The following NFATC1 variants were observed in gnomAD, a reference collection of about 807,000 sequenced individuals.
The protein encoded by NFATC1 is nuclear factor of activated T cells 1, also known as nuclear factor of activated T-cells, cytoplasmic 1.
In NFATC1, 22 loss-of-function variants were observed where a neutral mutation model predicts 76.0. The observed-to-expected ratio is 0.29, with a 90% CI of 0.21 to 0.41. NFATC1 has a LOEUF of 0.41. Among genes scored for constraint, NFATC1 ranks in the 10% least tolerant of loss-of-function variants. The pLI is 1.00. For synonymous variants in NFATC1, 704 were observed against 613.1 expected (o/e 1.15, Z -2.19); for missense variants, 1,357 against 1,337.7 (o/e 1.01, Z -0.23).
intron 6 of NFATC1, among the ~76,000 whole-genome samples, chr18:79,458,283 G>A (rs916468521): frequency 6.6e-6 from 1 of 151,646 alleles, no homozygotes; most frequent in African/African-American, 2.4e-5. Flanking sequence ...GGATGCTGTG[G>A]GGTGCACGGC....
intron 8 of NFATC1, 66 bp from the exon 9 acceptor site, chr18:79,486,182 A>G: frequency 6.7e-7 from 1 of 1,483,522 alleles, no homozygotes; most frequent in Non-Finnish European, 9.2e-7. Flanking sequence ...TGCCCCAGCC[A>G]CAAGCCTGCC....
chr18:79,439,432 C>T (rs1053474893), intron 3 of NFATC1, among the ~76,000 whole-genome samples: 8 of 152,318 alleles, frequency 5.3e-5, no homozygotes, highest in South Asian at 2.1e-4. Flanking sequence ...CAAAACCACA[C>T]GCCACGGCAC....
chr18:79,483,190 GCGTGACCTGGTTCCTGGGGTGTAATTCCA>G (rs2089360434), intron 8 of NFATC1, among the ~76,000 whole-genome samples: 1 of 113,080 alleles, frequency 8.8e-6, no homozygotes, highest in Non-Finnish European at 1.8e-5. Context: ...TGTAATTCCA[GCGTGACCTGGTTCCTGGGGTGTAATTCCA>G]GCGTGACCTG....
At chr18:79,515,310 G>A (rs1216249740) in intron 9 of NFATC1, among the ~76,000 whole-genome samples, 6 of 146,376 alleles carry the variant, frequency 4.1e-5, no homozygotes, top group African/African-American at 1.3e-4. Context: ...CTGCACTCCT[G>A]CCTGGGTGAC....
At chr18:79,469,106 C>G (rs1361742647) in intron 8 of NFATC1, 1 of 182,078 alleles carries the variant, frequency 5.5e-6, no homozygotes, top group Non-Finnish European at 1.0e-5. Context: ...GTGGTCTGTG[C>G]CGCCCACACT....
intron 1 of NFATC1, among the ~76,000 whole-genome samples, chr18:79,402,164 G>A (rs1220015164): frequency 6.6e-6 from 1 of 152,134 alleles, no homozygotes; most frequent in Non-Finnish European, 1.5e-5. Context: ...GACACCGCCG[G>A]CGGCGGCATC....
At chr18:79,510,895 GCCGGGACATCCTCCA>G (rs2090231986) in intron 9 of NFATC1, among the ~76,000 whole-genome samples, 1 of 150,446 alleles carries the variant, frequency 6.6e-6, no homozygotes, top group African/African-American at 2.5e-5. Context: ...GGCATCCTCC[GCCGGGACATCCTCCA>G]CCGGGGGCTC....
Position 79,410,183 on chromosome 18 carries a change from T to A in NFATC1, c.128-220T>A. 1.3e-6 allele frequency: 1 copy of A among 782,282 alleles called. No homozygotes were observed. The highest frequency in any genetic ancestry group is 2.3e-6 in the Non-Finnish European group (1 of 444,398). 48.5% of individuals were successfully genotyped at this position (782,282 alleles called of 1,614,324 possible). ...TTAGGGGAGGAGGGGAGGTGGGCAG[T>A]GAGGGGCTCACGGGAGCCTTGTTGG... On this transcript the variant is annotated intron_variant, in intron 1 of 9. Transcript: ENST00000427363. The surrounding 1 kb of genome is among the most constrained non-coding windows in gnomAD (Gnocchi z 6.7).
intron 9 of NFATC1, chr18:79,493,826 C>G (rs1344431703): frequency 1.3e-5 from 2 of 152,284 alleles, no homozygotes; most frequent in Non-Finnish European, 2.9e-5. Flanking sequence ...TCATCGGGGT[C>G]AGTGCCTGGT....
intron 8 of NFATC1, chr18:79,469,397 G>T (rs895694135): frequency 1.8e-5 from 18 of 985,378 alleles, no homozygotes; most frequent in Non-Finnish European, 2.2e-5. Flanking sequence ...GGCAGAAGGG[G>T]CGTGCGGGGA....
chr18:79,499,016 G>C (rs1277381528), intron 9 of NFATC1, among the ~76,000 whole-genome samples: 1 of 152,232 alleles, frequency 6.6e-6, no homozygotes, highest in Non-Finnish European at 1.5e-5. Flanking sequence ...ACATATTAAA[G>C]GGAGTCCTTC....
At chr18:79,481,280 A>C (rs2089262387) in intron 8 of NFATC1, among the ~76,000 whole-genome samples, 1 of 152,252 alleles carries the variant, frequency 6.6e-6, no homozygotes, top group South Asian at 2.1e-4. Flanking sequence ...CCATGGCCTA[A>C]GGCAAGACGC....
intron 6 of NFATC1, among the ~76,000 whole-genome samples, chr18:79,458,743 C>A (rs1432938404): frequency 1.3e-5 from 2 of 152,240 alleles, no homozygotes; most frequent in African/African-American, 4.8e-5. Flanking sequence ...CGGGGGCCGG[C>A]GCTGCCCGTC....
rs1212682137 is a variant in NFATC1, at chr18:79,473,546, G to A, written c.2092+5964G>A. Among the ~76,000 whole-genome samples the A allele has an allele frequency of 4.0e-5, 6 of 149,730 alleles. 1 individual carries two copies. Among genetic ancestry groups the A allele is most frequent in the African/African-American group, 7.5e-5 (3 of 40,084 alleles). ...GCGTGTTCTCGCGCTCACTGTCGAC[G>A]TAAACCTGAGGGAAGCGTGTTCTCG... On this transcript the variant is annotated intron_variant, in intron 8 of 9. Coordinates refer to ENST00000427363, the MANE Select transcript of NFATC1 (RefSeq NM_001278669.2).
At chr18:79,521,452 A>T (rs1177512700) in intron 9 of NFATC1, among the ~76,000 whole-genome samples, 5 of 41,928 alleles carry the variant, frequency 1.2e-4, no homozygotes, top group African/African-American at 1.0e-4. Context: ...GTGTGTGGGG[A>T]GCATCCACTG....
chr18:79,477,415 A>G (rs1452794592), intron 8 of NFATC1, among the ~76,000 whole-genome samples: 1 of 152,260 alleles, frequency 6.6e-6, no homozygotes, highest in African/African-American at 2.4e-5. Flanking sequence ...TGCTGTGCAC[A>G]GCAGCTGCAG....
rs1196096070 is a variant in NFATC1, at chr18:79,410,670, A to G, written c.395A>G (p.Asn132Ser). The G allele has an allele frequency of 1.9e-6, 3 of 1,612,976 alleles. No homozygotes were observed. Among genetic ancestry groups the G allele is most frequent in the South Asian group, 2.2e-5 (2 of 91,074 alleles). The change falls in exon 2 of 10, where the codon AAT becomes AGT. Residue 132 changes from asparagine to serine, a missense_variant. By Grantham distance (46) the Asn-to-Ser change is conservative (BLOSUM62 1). Around this residue, in one of 3 missense-constraint regions of NFATC1, gnomAD observed 691 missense variants for 613.1 expected, o/e 1.13. Transcript: ENST00000427363. This position sits in a 1 kb window ranked among gnomAD's most constrained non-coding sequence, Gnocchi z 6.7. ...ITSCLGLYHN[N>S]NQFFHDVEVE... ...TCGTGCTTGGGCCTGTACCACAACA[A>G]TAACCAGTTTTTCCACGATGTGGAG...
intron 3 of NFATC1, among the ~76,000 whole-genome samples, chr18:79,444,387 G>C (rs1029399824): frequency 1.3e-5 from 2 of 152,208 alleles, no homozygotes; most frequent in Non-Finnish European, 2.9e-5. Flanking sequence ...CTGGGAACCA[G>C]GACAAGAGGT....
At chr18:79,411,621 C>A in intron 2 of NFATC1, 120 bp downstream of exon 2, 1 of 822,940 alleles carries the variant, frequency 1.2e-6, no homozygotes, top group Non-Finnish European at 1.6e-6. Flanking sequence ...GAGTCAGGAC[C>A]TGGGTGGGCA....
Sources: gnomAD v4.1 joint callset for allele counts (sites outside exome capture counted in the v4.1 genomes callset) on GRCh38, gnomAD v4.1.1 for gene constraint, gnomAD v4.1.1 regional missense constraint, Gnocchi (gnomAD v3.1) non-coding constraint, MANE v1.5 for transcripts, NCBI Gene and HGNC (gene_info 2026-07-23, HGNC 2026-07-21) for gene names.